Variants in SLC7A1 observed in about 807,000 individuals in gnomAD.
SLC7A1 encodes the protein solute carrier family 7 member 1, also known as high affinity cationic amino acid transporter 1.
SLC7A1 carries 10 observed loss-of-function variants against 53.9 expected under a neutral mutation model. The observed-to-expected ratio is 0.19, with a 90% CI of 0.11 to 0.31. SLC7A1 has a LOEUF of 0.31. Ranked by LOEUF, SLC7A1 falls within the 10% of genes least tolerant of loss-of-function variation. The probability of loss-of-function intolerance (pLI) is 1.00; values close to 1 mark genes in which losing one functional copy is unlikely to be tolerated. For synonymous variants in SLC7A1, 342 were observed against 338.7 expected, an observed-to-expected ratio of 1.01 and a Z score of -0.11; for missense variants, 525 against 827.2, an observed-to-expected ratio of 0.63 and a Z score of 4.48.
chr13:29,593,812 G>A (rs1872201924), intron 1 of SLC7A1, among the ~76,000 whole-genome samples: 2 of 151,748 alleles, frequency 1.3e-5, no homozygotes, highest in Non-Finnish European at 2.9e-5. Flanking sequence ...GGAGCACGTG[G>A]CTCTAGGATC....
Position 29,514,409 on chromosome 13 carries a change from G to C in SLC7A1, c.*71C>G. The C allele has an allele frequency of 9.1e-7, 1 of 1,103,854 alleles. No individual in the cohort carries two copies. The highest frequency in any genetic ancestry group is 1.4e-6 in the Non-Finnish European group (1 of 738,884). 68.4% of individuals were successfully genotyped at this position (1,103,854 alleles called of 1,614,324 possible). The stretch of plus-strand genomic sequence containing the variant: ...GGTTTCTGTTGCACTGGTGGGGAGG[G>C]TGGGGTGCCTCCCGGTCCTCTGGGG... On this transcript the variant is annotated 3_prime_UTR_variant, in exon 13 of 13. Transcript: ENST00000380752.
chr13:29,516,393 T>C lies in SLC7A1; in HGVS notation c.1678-147A>G, dbSNP rs896470075. On this transcript the variant is annotated intron_variant, in intron 11 of 12. Transcript: ENST00000380752. ...AGAGAGAGGGAGTGCCCACCCCCACTCCCACACCCCACACACAGCCCGCAC... is the reference window on the plus strand; with the variant it reads ...AGAGAGAGGGAGTGCCCACCCCCACCCCCACACCCCACACACAGCCCGCAC... 62 of 601,388 alleles carry C rather than the reference T, an allele frequency of 1.0e-4. No homozygotes were observed. The South Asian group carries it at 1.2e-3, about 12-fold the overall frequency. 37.3% of individuals were successfully genotyped at this position (601,388 alleles called of 1,614,324 possible).
At chr13:29,565,684 A>C (rs1392301099) in intron 1 of SLC7A1, among the ~76,000 whole-genome samples, 1 of 152,152 alleles carries the variant, frequency 6.6e-6, no homozygotes, top group African/African-American at 2.4e-5. Flanking sequence ...CCACACACAA[A>C]AAGAAGCCTC....
chr13:29,584,956 A>T lies in SLC7A1; in HGVS notation c.-115+10460T>A, dbSNP rs55840171. Among the ~76,000 whole-genome samples the T allele has an allele frequency of 4.7e-3, 721 of 152,348 alleles. 7 individuals carry two copies. Among genetic ancestry groups the T allele is most frequent in the African/African-American group, 0.016 (676 of 41,572 alleles). On this transcript the variant is annotated intron_variant, in intron 1 of 12. Transcript: ENST00000380752. ...TTCGTCGCATCACGCTGAATAAAAT[A>T]AACTCAAAGAAAATCAGAGCACTGA...
At chr13:29,530,738 T>A (rs1403311779) in intron 4 of SLC7A1, 26 bp from the exon 5 acceptor site, 2 of 1,604,950 alleles carry the variant, frequency 1.2e-6, no homozygotes, top group East Asian at 4.5e-5. Context: ...GACACAAAAC[T>A]TTGTCTGAGT....
Position 29,510,653 on chromosome 13 carries a change from G to C in SLC7A1, c.*3827C>G, listed in dbSNP as rs964217600. 1 of 152,150 alleles carries C rather than the reference G, an allele frequency of 6.6e-6. No homozygotes were observed. The highest frequency in any genetic ancestry group is 1.5e-5 in the Non-Finnish European group (1 of 68,048). 9.4% of individuals were successfully genotyped at this position (152,150 alleles called of 1,614,324 possible). Reference sequence around the variant, plus strand: ...GGAACTGTCTCACGAGACCACCAGCGCACAGACACGAACATGCCTCTCACA... The same window carrying C: ...GGAACTGTCTCACGAGACCACCAGCCCACAGACACGAACATGCCTCTCACA... On this transcript the variant is annotated 3_prime_UTR_variant, in exon 13 of 13. Transcript: ENST00000380752.
chr13:29,566,469 G>C (rs1175092057), intron 1 of SLC7A1, among the ~76,000 whole-genome samples: 3 of 152,218 alleles, frequency 2.0e-5, no homozygotes, highest in Non-Finnish European at 2.9e-5. Context: ...TCTGACATAT[G>C]CTGCAACACG....
chr13:29,589,126 G>T (rs1190162444), intron 1 of SLC7A1, among the ~76,000 whole-genome samples: 2 of 152,196 alleles, frequency 1.3e-5, no homozygotes, highest in African/African-American at 2.4e-5. Context: ...GCCTCTCTGA[G>T]AGTGTTAAAG....
chr13:29,518,987 C>T (rs1020332241), intron 9 of SLC7A1, among the ~76,000 whole-genome samples: 1 of 152,166 alleles, frequency 6.6e-6, no homozygotes, highest in Non-Finnish European at 1.5e-5. Flanking sequence ...CACGCCATGC[C>T]ACATAATGGG....
At chr13:29,550,700 AC>A (rs2139131236) in intron 2 of SLC7A1, among the ~76,000 whole-genome samples, 1 of 152,242 alleles carries the variant, frequency 6.6e-6, no homozygotes, top group South Asian at 2.1e-4. Context: ...CCAGATGAAA[AC>A]CAAGCCCAGG....
chr13:29,527,033 G>A (rs1283447163), intron 5 of SLC7A1, among the ~76,000 whole-genome samples: 4 of 150,760 alleles, frequency 2.7e-5, no homozygotes, highest in African/African-American at 9.8e-5. Context: ...CCCGGGTGCC[G>A]GGACCCTGGG....
At chr13:29,559,776 C>T (rs1374254650) in intron 1 of SLC7A1, among the ~76,000 whole-genome samples, 20 of 150,748 alleles carry the variant, frequency 1.3e-4, no homozygotes, top group African/African-American at 2.4e-4. Context: ...AGTGCAGTGG[C>T]GCGATCTCGG....
intron 2 of SLC7A1, among the ~76,000 whole-genome samples, chr13:29,545,170 GAATA>G (rs1869858736): frequency 6.6e-6 from 1 of 152,016 alleles, no homozygotes; most frequent in African/African-American, 2.4e-5. Flanking sequence ...ATTCACCAAC[GAATA>G]AATTTGTTTC....
chr13:29,572,012 C>T (rs891183666), intron 1 of SLC7A1, among the ~76,000 whole-genome samples: 26 of 152,230 alleles, frequency 1.7e-4, no homozygotes, highest in African/African-American at 6.3e-4. Flanking sequence ...GCTTCAAAAA[C>T]CTTCAAAGGA....
intron 1 of SLC7A1, among the ~76,000 whole-genome samples, chr13:29,591,470 C>T (rs1872106741): frequency 6.6e-6 from 1 of 152,136 alleles, no homozygotes; most frequent in Non-Finnish European, 1.5e-5. Context: ...AGGCCCCATA[C>T]CGAGCAGAGG....
intron 1 of SLC7A1, chr13:29,586,756 A>C (rs1375491150): frequency 6.6e-6 from 1 of 152,246 alleles, no homozygotes; most frequent in Non-Finnish European, 1.5e-5. Context: ...TTTCCTCCAC[A>C]GGGATGAATA....
Position 29,570,060 on chromosome 13 carries a change from C to A in SLC7A1, c.-114-16200G>T, listed in dbSNP as rs1239465580. ...TCCCTGAATGCCACATTCACATAAT[C>A]ACATTACCTGGGTGGGCCAGCAGGT... On this transcript the variant is annotated intron_variant, in intron 1 of 12. Transcript: ENST00000380752. 3.3e-5 allele frequency among the ~76,000 whole-genome samples: 5 copies of A among 152,350 alleles called. No homozygotes were observed. In the Middle Eastern group the frequency reaches 0.01, roughly 311 times the overall value.
chr13:29,550,649 C>G (rs1870136728), intron 2 of SLC7A1, among the ~76,000 whole-genome samples: 1 of 152,182 alleles, frequency 6.6e-6, no homozygotes. Flanking sequence ...CAGCCAACAA[C>G]CTGAGGGAAT....
intron 1 of SLC7A1, among the ~76,000 whole-genome samples, chr13:29,581,451 G>A (rs377326906): frequency 5.9e-5 from 9 of 152,216 alleles, no homozygotes; most frequent in Middle Eastern, 3.4e-3. Context: ...CTGAATACTC[G>A]TGCCCAGCAC....
Sources: allele counts gnomAD v4.1 joint callset (sites outside exome capture counted in the v4.1 genomes callset), GRCh38; gene constraint gnomAD v4.1.1; transcripts MANE v1.5; gene names NCBI Gene and HGNC (gene_info 2026-07-23, HGNC 2026-07-21).